The following EZR variants were observed in gnomAD, a reference collection of about 807,000 sequenced individuals.
EZR encodes the protein cytovillin 2.
In EZR, 40 loss-of-function variants were observed where a neutral mutation model predicts 74.8. That is an observed-to-expected ratio of 0.53 (90% CI 0.42 to 0.70). EZR has a LOEUF of 0.70. Ranked by LOEUF, EZR falls within the 30% of genes least tolerant of loss-of-function variation. The pLI is 0.00. For synonymous variants in EZR, 341 were observed against 283.3 expected, an observed-to-expected ratio of 1.20 and a Z score of -2.05; for missense variants, 678 against 755.8, an observed-to-expected ratio of 0.90 and a Z score of 1.21.
At chr6:158,802,139 A>G (rs1312925230) in intron 2 of EZR, among the ~76,000 whole-genome samples, 2 of 152,220 alleles carry the variant, frequency 1.3e-5, no homozygotes. Flanking sequence ...TGCCAGGTGT[A>G]AAGGGCATTC....
intron 2 of EZR, among the ~76,000 whole-genome samples, chr6:158,817,834 T>A (rs1401662585): frequency 6.6e-6 from 1 of 152,050 alleles, no homozygotes; most frequent in Non-Finnish European, 1.5e-5. Flanking sequence ...GAAAAGACCG[T>A]AACTACTGGG....
In EZR at chr6:158,789,282, A is replaced by C; in HGVS notation, c.96+6T>G. On this transcript the variant is annotated splice_donor_region_variant and intron_variant, in intron 3 of 13. Transcript: ENST00000367075. ...GTGGAGTTAACTCTCAAGTTCAGAG[A>C]CCAACCTGATCAAAAAGCTGTTTTC... 2 of 1,612,710 alleles carry C rather than the reference A, an allele frequency of 1.2e-6. No individual in the cohort carries two copies. Among genetic ancestry groups the C allele is most frequent in the Admixed American group, 1.7e-5 (1 of 59,958 alleles).
intron 2 of EZR, among the ~76,000 whole-genome samples, chr6:158,802,251 T>C (rs3102989): frequency 0.78 from 118,250 of 152,146 alleles, 47,861 homozygotes; most frequent in African/African-American, 0.91. Flanking sequence ...GAAAACCAAG[T>C]AGCTGTAGCT....
chr6:158,816,375 A>T (rs1011806912), intron 2 of EZR, among the ~76,000 whole-genome samples: 2 of 152,244 alleles, frequency 1.3e-5, no homozygotes, highest in Non-Finnish European at 2.9e-5. Flanking sequence ...ATTCATTATG[A>T]GAAATGAGAA....
intron 2 of EZR, among the ~76,000 whole-genome samples, chr6:158,817,260 T>C (rs1406445620): frequency 6.6e-6 from 1 of 152,188 alleles, no homozygotes; most frequent in Non-Finnish European, 1.5e-5. Flanking sequence ...TAGTCACCAG[T>C]TCCCCAGTGT....
chr6:158,792,903 C>A (rs567320225), intron 2 of EZR, among the ~76,000 whole-genome samples: 1 of 152,010 alleles, frequency 6.6e-6, no homozygotes, highest in Non-Finnish European at 1.5e-5. Flanking sequence ...TGAGCACCAG[C>A]AGCTCCAACA....
Position 158,766,775 on chromosome 6 carries a change from T to C in EZR, c.*139A>G. On this transcript the variant is annotated 3_prime_UTR_variant, in exon 14 of 14. Coordinates refer to ENST00000367075, the MANE Select transcript of EZR (RefSeq NM_001111077.2). ...CGCCTCCCTGGTTCCCAGCCCAGAATGTTTCTGTTGGGTAACTGCTTTCTA... is the reference window on the plus strand; with the variant it reads ...CGCCTCCCTGGTTCCCAGCCCAGAACGTTTCTGTTGGGTAACTGCTTTCTA... 4 of 878,916 alleles carry C rather than the reference T, an allele frequency of 4.6e-6. No homozygotes were observed. The highest frequency in any genetic ancestry group is 1.6e-5 in the South Asian group (1 of 61,736). The allele number at this position is 878,916 out of a possible 1,614,324, so 54.4% of individuals were successfully genotyped here. A position where few individuals can be genotyped will look rare whatever the true frequency, so the allele number is the denominator to read the frequency against.
At chr6:158,795,849 G>A (rs957204003) in intron 2 of EZR, among the ~76,000 whole-genome samples, 3 of 152,184 alleles carry the variant, frequency 2.0e-5, no homozygotes, top group Non-Finnish European at 2.9e-5. Context: ...GGCAAGAGAC[G>A]GGAGACAGAG....
chr6:158,802,930 G>GTATATATATATATATATATATATATA (rs1562503824), intron 2 of EZR, among the ~76,000 whole-genome samples: 2 of 152,046 alleles, frequency 1.3e-5, no homozygotes, highest in African/African-American at 4.8e-5. Context: ...CTCCTACCCT[G>GTATATATATATATATATATATATATA]CGATTCTCCT....
At position 158,766,629 on chromosome 6, in the gene EZR, T is replaced by C. The variant is rs1562486948; in HGVS notation, c.*285A>G. On this transcript the variant is annotated 3_prime_UTR_variant, in exon 14 of 14. Transcript: ENST00000367075. ...AGCATGAAGTTTCTTACTCAGACTTTACAGGCATTTTCCGTAATTCAATCA... is the reference window on the plus strand; with the variant it reads ...AGCATGAAGTTTCTTACTCAGACTTCACAGGCATTTTCCGTAATTCAATCA... The C allele has an allele frequency of 2.6e-6, 1 of 383,242 alleles. No individual in the cohort carries two copies. Among genetic ancestry groups the C allele is most frequent in the Non-Finnish European group, 4.7e-6 (1 of 213,782 alleles). 23.7% of individuals were successfully genotyped at this position (383,242 alleles called of 1,614,324 possible).
chr6:158,776,198 CTTT>C (rs2128567695), intron 8 of EZR, among the ~76,000 whole-genome samples: 1 of 152,328 alleles, frequency 6.6e-6, no homozygotes, highest in South Asian at 2.1e-4. Flanking sequence ...CAGAACTGCC[CTTT>C]TCTTCATAAG....
At position 158,766,760 on chromosome 6, in the gene EZR, G is replaced by T. The variant is rs1790878995; in HGVS notation, c.*154C>A. 3.8e-6 allele frequency: 3 copies of T among 792,726 alleles called. No individual in the cohort carries two copies. Among genetic ancestry groups the T allele is most frequent in the Non-Finnish European group, 6.1e-6 (3 of 488,244 alleles). The allele number at this position is 792,726 out of a possible 1,614,324, so 49.1% of individuals were successfully genotyped here. A position where few individuals can be genotyped will look rare whatever the true frequency, so the allele number is the denominator to read the frequency against. On this transcript the variant is annotated 3_prime_UTR_variant, in exon 14 of 14. Coordinates refer to ENST00000367075, the MANE Select transcript of EZR (RefSeq NM_001111077.2). ...GAAAACAAACCAGGGCGCCTCCCTGGTTCCCAGCCCAGAATGTTTCTGTTG... is the reference window on the plus strand; with the variant it reads ...GAAAACAAACCAGGGCGCCTCCCTGTTTCCCAGCCCAGAATGTTTCTGTTG...
chr6:158,811,129 T>C (rs1011558760), intron 2 of EZR, among the ~76,000 whole-genome samples: 1 of 152,238 alleles, frequency 6.6e-6, no homozygotes, highest in Non-Finnish European at 1.5e-5. Flanking sequence ...GGAAAAATCT[T>C]TTTATGTCAA....
chr6:158,785,156 A>T (rs1224254467), intron 5 of EZR, among the ~76,000 whole-genome samples, 153 bp downstream of exon 5: 1 of 152,210 alleles, frequency 6.6e-6, no homozygotes, highest in Non-Finnish European at 1.5e-5. Flanking sequence ...GCTATGTTTC[A>T]GGTCGCTGGT....
At chr6:158,783,214 T>G (rs1791477754) in intron 7 of EZR, among the ~76,000 whole-genome samples, 2 of 142,356 alleles carry the variant, frequency 1.4e-5, no homozygotes. Flanking sequence ...TGCTGGTACC[T>G]GCAGGCAGCT....
intron 8 of EZR, among the ~76,000 whole-genome samples, chr6:158,771,834 T>G (rs1791121240): frequency 6.6e-6 from 1 of 152,198 alleles, no homozygotes; most frequent in Admixed American, 6.5e-5. Context: ...TGATGTCCTC[T>G]CCAGCCTCAC....
intron 7 of EZR, among the ~76,000 whole-genome samples, chr6:158,781,013 T>C (rs1791419289): frequency 6.6e-6 from 1 of 152,226 alleles, no homozygotes. Flanking sequence ...GGTGTTTTAA[T>C]AGAGACTTTA....
chr6:158,774,676 C>A (rs1419154266), intron 8 of EZR, among the ~76,000 whole-genome samples: 1 of 26,236 alleles, frequency 3.8e-5, no homozygotes, highest in African/African-American at 1.2e-4. Flanking sequence ...TCATCAAACA[C>A]ACACACACAC....
At chr6:158,807,218 G>GGCCT (rs1356575784) in intron 2 of EZR, among the ~76,000 whole-genome samples, 1 of 152,076 alleles carries the variant, frequency 6.6e-6, no homozygotes, top group Non-Finnish European at 1.5e-5. Context: ...GGGAGGCTGA[G>GGCCT]GCAGGAGAAT....
Sources: gnomAD v4.1 joint callset for allele counts (sites outside exome capture counted in the v4.1 genomes callset) on GRCh38, gnomAD v4.1.1 for gene constraint, MANE v1.5 for transcripts, NCBI Gene and HGNC (gene_info 2026-07-23, HGNC 2026-07-21) for gene names.